SHANK2: variants seen among roughly 807,000 people sequenced by gnomAD.
The protein encoded by SHANK2 is SH3 and multiple ankyrin repeat domains 2, also known as SH3 and multiple ankyrin repeat domains protein 2.
In SHANK2, 43 loss-of-function variants were observed where a neutral mutation model predicts 133.7. The ratio of observed to expected loss-of-function variants is 0.32; its 90% CI spans 0.25 to 0.41. SHANK2 has a LOEUF of 0.41. Ranked by LOEUF, SHANK2 falls within the 10% of genes least tolerant of loss-of-function variation. The pLI is 1.00. For synonymous variants in SHANK2, 1,017 were observed against 952.8 expected, an observed-to-expected ratio of 1.07 and a Z score of -1.24; for missense variants, 1,994 against 2,235.8, an observed-to-expected ratio of 0.89 and a Z score of 2.18.
At chr11:70,801,708 C>G (rs1450267820) in intron 13 of SHANK2, among the ~76,000 whole-genome samples, 4 of 152,164 alleles carry the variant, frequency 2.6e-5, no homozygotes, top group African/African-American at 7.2e-5. Context: ...GGCCCCATCA[C>G]TGGGATGCTG....
Position 70,487,863 on chromosome 11 carries a change from A to G in SHANK2, c.2573-143T>C. The G allele has an allele frequency of 6.7e-7, 1 of 1,499,684 alleles. No individual in the cohort carries two copies. The highest frequency in any genetic ancestry group is 2.0e-5 in the Admixed American group (1 of 50,694). The allele number at this position is 1,499,684 out of a possible 1,614,324, so 92.9% of individuals were successfully genotyped here. ...TTCAGGAAACACAGCACAAGCCACG[A>G]TGCCGAGTGGTTAGTCACATGGCCC... On this transcript the variant is annotated intron_variant, in intron 24 of 25. Transcript: ENST00000601538. This position sits in a 1 kb window ranked among gnomAD's most constrained non-coding sequence, Gnocchi z 5.8.
At chr11:70,792,995 G>A (rs987099688) in intron 14 of SHANK2, among the ~76,000 whole-genome samples, 1 of 152,148 alleles carries the variant, frequency 6.6e-6, no homozygotes, top group Admixed American at 6.6e-5. Context: ...GTCAAGGCAT[G>A]TAATGAGCCC....
chr11:70,745,166 C>G (rs181489589), intron 14 of SHANK2, among the ~76,000 whole-genome samples: 2 of 152,362 alleles, frequency 1.3e-5, no homozygotes, highest in Admixed American at 1.3e-4. Context: ...ATCTGCTACC[C>G]CAACCAATGA....
rs1945131531 is a variant in SHANK2, at chr11:70,685,696, AG to A, written c.1853+12991del. 3.3e-5 allele frequency among the ~76,000 whole-genome samples: 5 copies of A among 152,198 alleles called. No individual in the cohort carries two copies. In the South Asian group the frequency reaches 1.0e-3, roughly 32 times the overall value. Reference sequence around the variant, plus strand: ...GGAGAGAACGGGGCAGCAGAGCCCTAGGGAGGACAGGGGGCAGTCTCAACTC... The same window carrying A: ...GGAGAGAACGGGGCAGCAGAGCCCTAGGAGGACAGGGGGCAGTCTCAACTC... On this transcript the variant is annotated intron_variant, in intron 15 of 25. Transcript: ENST00000601538.
At chr11:70,848,028 C>A (rs1456570964) in intron 11 of SHANK2, among the ~76,000 whole-genome samples, 1 of 152,218 alleles carries the variant, frequency 6.6e-6, no homozygotes, top group African/African-American at 2.4e-5. Flanking sequence ...CATGGCAATG[C>A]CTGCGGTAGG....
At chr11:70,832,328 T>A (rs1948737782) in intron 11 of SHANK2, among the ~76,000 whole-genome samples, 1 of 152,220 alleles carries the variant, frequency 6.6e-6, no homozygotes, top group Admixed American at 6.5e-5. Context: ...CAAGTCCTGG[T>A]CTATTGCTCA....
intron 2 of SHANK2, among the ~76,000 whole-genome samples, chr11:71,155,497 C>T: frequency 6.6e-6 from 1 of 152,072 alleles, no homozygotes; most frequent in South Asian, 2.1e-4. Flanking sequence ...GATGGACCTG[C>T]CCCTCCCATG....
intron 11 of SHANK2, among the ~76,000 whole-genome samples, chr11:70,866,856 G>A (rs1171481180): frequency 6.6e-6 from 1 of 151,996 alleles, no homozygotes; most frequent in Non-Finnish European, 1.5e-5. Context: ...GCCCGCACAT[G>A]GACTCAGCAG....
rs1946014232 is a variant in SHANK2, at chr11:70,718,936, T to C, written c.1778-20173A>G. 2.6e-5 allele frequency among the ~76,000 whole-genome samples: 4 copies of C among 152,324 alleles called. No homozygotes were observed. In the South Asian group the frequency reaches 8.3e-4, roughly 32 times the overall value. On this transcript the variant is annotated intron_variant, in intron 14 of 25. Coordinates refer to ENST00000601538, the MANE Select transcript of SHANK2 (RefSeq NM_012309.5). ...ATGAGCTTGGGCTTGTTTCCAGTTA[T>C]CTTGATTTGTCAGCTGGGGATAATC...
intron 8 of SHANK2, among the ~76,000 whole-genome samples, chr11:71,079,218 A>G (rs1951259363): frequency 6.6e-6 from 1 of 152,234 alleles, no homozygotes; most frequent in African/African-American, 2.4e-5. Context: ...AGCAAACCCA[A>G]CAAAATGACC....
chr11:70,643,958 C>A (rs1296751480), intron 17 of SHANK2, among the ~76,000 whole-genome samples: 1 of 142,148 alleles, frequency 7.0e-6, no homozygotes, highest in Non-Finnish European at 1.5e-5. Flanking sequence ...GATCTGGGGT[C>A]GGGGGCTGAG....
At chr11:70,649,594 CAA>C (rs1190370593) in intron 17 of SHANK2, among the ~76,000 whole-genome samples, 1 of 152,112 alleles carries the variant, frequency 6.6e-6, no homozygotes, top group Non-Finnish European at 1.5e-5. Context: ...TCAGTACTAA[CAA>C]GAGCCTGCTG....
chr11:70,702,092 TCAC>T (rs1357389988), intron 14 of SHANK2, among the ~76,000 whole-genome samples: 2 of 148,010 alleles, frequency 1.4e-5, no homozygotes, highest in East Asian at 2.0e-4. Flanking sequence ...GCCATCATCA[TCAC>T]CATCTTCTTC....
chr11:71,153,097 G>A (rs76952674), intron 2 of SHANK2, among the ~76,000 whole-genome samples: 3 of 152,166 alleles, frequency 2.0e-5, no homozygotes, highest in African/African-American at 4.8e-5. Context: ...GGAGAGCCAG[G>A]GGGGCTGGGC....
chr11:70,720,729 G>A (rs904295235), intron 14 of SHANK2, among the ~76,000 whole-genome samples: 4 of 151,984 alleles, frequency 2.6e-5, no homozygotes, highest in South Asian at 2.1e-4. Flanking sequence ...GCTGACACAC[G>A]TGAACACGCA....
intron 11 of SHANK2, among the ~76,000 whole-genome samples, chr11:70,823,543 T>C (rs371066921): frequency 3.2e-4 from 40 of 125,014 alleles, no homozygotes; most frequent in Admixed American, 1.7e-3. Context: ...GCAGAGTTCA[T>C]GAGGGACAGA....
At chr11:70,892,429 G>A (rs1448686205) in intron 11 of SHANK2, among the ~76,000 whole-genome samples, 1 of 152,164 alleles carries the variant, frequency 6.6e-6, no homozygotes, top group Admixed American at 6.6e-5. Context: ...TCCCAGCTCT[G>A]GTTCTAGGTC....
At position 70,502,917 on chromosome 11, in the gene SHANK2, A is replaced by C. The variant is rs1555159199; in HGVS notation, c.2076T>G (p.Asn692Lys). ...GDFLIEVNNE[N>K]VVKVGHRQVV... ...CCTGCCTGTGGCCGACTTTGACAAC[A>C]TTCTCATTGTTAACCTGTGGGAAGG... is the stretch of plus-strand genomic sequence containing the variant. The change falls in exon 18 of 26, where the codon AAT (asparagine) becomes AAG (lysine). Residue 692 changes from asparagine to lysine, a missense_variant. Asn to Lys is a moderately conservative substitution (Grantham distance 94). Transcript: ENST00000601538. 1 of 1,614,050 alleles carries C rather than the reference A, an allele frequency of 6.2e-7. No individual in the cohort carries two copies. The highest frequency in any genetic ancestry group is 8.5e-7 in the Non-Finnish European group (1 of 1,179,970).
intron 14 of SHANK2, among the ~76,000 whole-genome samples, chr11:70,790,785 G>A (rs1025632661): frequency 2.6e-5 from 4 of 152,154 alleles, no homozygotes; most frequent in African/African-American, 4.8e-5. Context: ...CTCCTGGCCC[G>A]GGACCACAGG....
Sources: allele counts gnomAD v4.1 joint callset (sites outside exome capture counted in the v4.1 genomes callset), GRCh38; gene constraint gnomAD v4.1.1; non-coding constraint Gnocchi (gnomAD v3.1); transcripts MANE v1.5; gene names NCBI Gene and HGNC (gene_info 2026-07-23, HGNC 2026-07-21).